GDAP1: variants seen among roughly 807,000 people sequenced by gnomAD.
GDAP1 encodes the protein ganglioside induced differentiation associated protein 1.
GDAP1 carries 34 observed loss-of-function variants against 40.1 expected under a neutral mutation model. That is an observed-to-expected ratio of 0.85 (90% CI 0.64 to 1.13). The LOEUF (loss-of-function observed/expected upper bound fraction) is 1.13. Among genes scored for constraint, GDAP1 ranks in the 50% most tolerant of loss-of-function variants. The pLI is 0.00. For missense variants in GDAP1, 374 were observed against 433.7 expected (o/e 0.86, Z 1.22); for synonymous variants, 170 against 157.4 (o/e 1.08, Z -0.60).
chr8:74,353,553 A>G (rs1030979585), intron 2 of GDAP1, among the ~76,000 whole-genome samples: 1 of 152,216 alleles, frequency 6.6e-6, no homozygotes, highest in Non-Finnish European at 1.5e-5. Flanking sequence ...GAACTCATGG[A>G]GAATGAAAGT....
At position 74,366,061 on chromosome 8, in the gene GDAP1, T is replaced by C. The variant is rs1273678951; in HGVS notation, c.*1694T>C. 1 of 443,334 alleles carries C rather than the reference T, an allele frequency of 2.3e-6. No homozygotes were observed. The highest frequency in any genetic ancestry group is 7.0e-5 in the East Asian group (1 of 14,346). The allele number at this position is 443,334 out of a possible 1,614,324, so 27.5% of individuals were successfully genotyped here. ...TTTTATAAAAACCTCTGAAGGATAT[T>C]TACCTATGAAAAAGTTGTTAAGAAT... On this transcript the variant is annotated 3_prime_UTR_variant, in exon 6 of 6. Coordinates refer to ENST00000220822, the MANE Select transcript of GDAP1 (RefSeq NM_018972.4).
chr8:74,470,517 C>T (rs2131583956), intron 2 of GDAP1, among the ~76,000 whole-genome samples: 1 of 151,966 alleles, frequency 6.6e-6, no homozygotes, highest in African/African-American at 2.4e-5. Context: ...GGTTTTTTGT[C>T]CTTGCGATAG....
intron 2 of GDAP1, among the ~76,000 whole-genome samples, chr8:74,486,949 G>A (rs563928141): frequency 7.2e-5 from 11 of 152,174 alleles, no homozygotes; most frequent in African/African-American, 1.9e-4. Flanking sequence ...GGTAGACCTC[G>A]TTTAAATTAT....
At chr8:74,438,330 C>T (rs1424484207) in intron 2 of GDAP1, among the ~76,000 whole-genome samples, 1 of 152,096 alleles carries the variant, frequency 6.6e-6, no homozygotes, top group African/African-American at 2.4e-5. Flanking sequence ...CACTTCCAAC[C>T]TAACTAGACT....
chr8:74,382,485 AC>A (rs1360434613), intron 2 of GDAP1, among the ~76,000 whole-genome samples: 1 of 152,000 alleles, frequency 6.6e-6, no homozygotes, highest in African/African-American at 2.4e-5. Context: ...TTATTAGATA[AC>A]ATGGGTATTA....
intron 2 of GDAP1, among the ~76,000 whole-genome samples, chr8:74,424,091 G>A (rs1375151375): frequency 6.6e-6 from 1 of 151,996 alleles, no homozygotes; most frequent in Non-Finnish European, 1.5e-5. Flanking sequence ...AGATGCTCAA[G>A]TCCTTTATAT....
chr8:74,475,713 G>T (rs1806620858), intron 2 of GDAP1, among the ~76,000 whole-genome samples: 1 of 151,984 alleles, frequency 6.6e-6, no homozygotes. Flanking sequence ...TTGTGTGGTT[G>T]ATTTTGGTAT....
At chr8:74,432,062 T>G (rs902376138) in intron 2 of GDAP1, among the ~76,000 whole-genome samples, 8 of 152,186 alleles carry the variant, frequency 5.3e-5, no homozygotes, top group Non-Finnish European at 7.3e-5. Context: ...TATTATTTTC[T>G]CTAAACTTTA....
chr8:74,402,453 CTG>C (rs1810362987), intron 2 of GDAP1, among the ~76,000 whole-genome samples: 1 of 150,478 alleles, frequency 6.6e-6, no homozygotes, highest in Admixed American at 6.6e-5. Context: ...CAGGTGCCGT[CTG>C]TCACCCCTTT....
intron 2 of GDAP1, among the ~76,000 whole-genome samples, chr8:74,392,139 A>C (rs1041130119): frequency 2.0e-5 from 3 of 152,144 alleles, no homozygotes; most frequent in Non-Finnish European, 4.4e-5. Context: ...ATTTAATAAT[A>C]CATATTGATT....
chr8:74,463,338 G>T (rs1365579271), intron 2 of GDAP1, among the ~76,000 whole-genome samples: 1 of 150,040 alleles, frequency 6.7e-6, no homozygotes, highest in South Asian at 2.1e-4. Context: ...TGCACTTGTG[G>T]TCCCAGCTAC....
intron 2 of GDAP1, among the ~76,000 whole-genome samples, chr8:74,439,899 A>T (rs752635428): frequency 7.9e-5 from 12 of 151,866 alleles, no homozygotes; most frequent in Non-Finnish European, 1.6e-4. Flanking sequence ...TATATTTTCA[A>T]TTTTTTTGTA....
chr8:74,460,195 T>C (rs1224000575), intron 2 of GDAP1, among the ~76,000 whole-genome samples: 1 of 152,258 alleles, frequency 6.6e-6, no homozygotes, highest in Non-Finnish European at 1.5e-5. Context: ...ATTAATTTCA[T>C]TCATTATGAT....
chr8:74,412,830 G>A (rs1261539979), intron 2 of GDAP1, among the ~76,000 whole-genome samples: 1 of 148,910 alleles, frequency 6.7e-6, no homozygotes. Flanking sequence ...AGGCTGAAGC[G>A]GGTGGATCAC....
intron 2 of GDAP1, among the ~76,000 whole-genome samples, chr8:74,356,708 A>G (rs1809113771): frequency 2.8e-5 from 2 of 71,734 alleles, no homozygotes; most frequent in Admixed American, 2.6e-4. Context: ...GTGTGTATAT[A>G]TATATATATT....
At chr8:74,395,830 G>T (rs1233441185) in intron 2 of GDAP1, among the ~76,000 whole-genome samples, 3 of 152,104 alleles carry the variant, frequency 2.0e-5, no homozygotes, top group Non-Finnish European at 4.4e-5. Context: ...ACCTCTAATA[G>T]ATGTACCATG....
intron 2 of GDAP1, among the ~76,000 whole-genome samples, chr8:74,416,816 G>T (rs1419156148): frequency 6.7e-6 from 1 of 149,866 alleles, no homozygotes; most frequent in Non-Finnish European, 1.5e-5. Flanking sequence ...GGGGGAAGGG[G>T]AGTGCACTGC....
chr8:74,483,583 AC>A (rs1402124137), intron 2 of GDAP1, among the ~76,000 whole-genome samples: 1 of 152,162 alleles, frequency 6.6e-6, no homozygotes, highest in Non-Finnish European at 1.5e-5. Context: ...AGGGTTATAT[AC>A]ATTTAAAGCA....
At chr8:74,431,403 T>C (rs1205048013) in intron 2 of GDAP1, among the ~76,000 whole-genome samples, 1 of 152,176 alleles carries the variant, frequency 6.6e-6, no homozygotes, top group Admixed American at 6.5e-5. Context: ...TATATGGACT[T>C]AAGTAATGAA....
Sources: gnomAD v4.1 joint callset for allele counts (sites outside exome capture counted in the v4.1 genomes callset) on GRCh38, gnomAD v4.1.1 for gene constraint, MANE v1.5 for transcripts, NCBI Gene and HGNC (gene_info 2026-07-23, HGNC 2026-07-21) for gene names.